Variants in ATP7B observed in about 807,000 individuals in gnomAD.
ATP7B encodes copper-transporting ATPase 2.
A neutral mutation model predicts 118.9 loss-of-function variants in ATP7B; 113 were observed. The ratio of observed to expected loss-of-function variants is 0.95; its 90% CI spans 0.82 to 1.11. The LOEUF (loss-of-function observed/expected upper bound fraction) is 1.11, where lower values mean the gene tolerates loss of function less well. Among genes scored for constraint, ATP7B ranks in the 50% most tolerant of loss-of-function variants. ATP7B has a pLI of 0.00. For synonymous variants in ATP7B, 777 were observed against 727.4 expected (o/e 1.07, Z -1.10); for missense variants, 1,867 against 1,871.4 (o/e 1.00, Z 0.04).
chr13:51,934,320 T>G lies in ATP7B; in HGVS notation c.*436A>C, dbSNP rs1054528327. 1.8e-5 allele frequency: 5 copies of G among 284,226 alleles called. No individual in the cohort carries two copies. The highest frequency in any genetic ancestry group is 1.1e-4 in the African/African-American group (5 of 46,238). 17.6% of individuals were successfully genotyped at this position (284,226 alleles called of 1,614,324 possible). On this transcript the variant is annotated 3_prime_UTR_variant, in exon 21 of 21. Transcript: ENST00000242839. Reference sequence around the variant, plus strand: ...GTAAACTGTGGTCTCAGAAACATGATGCACACAGACAGGCGTCATCAGAAA... The same window carrying G: ...GTAAACTGTGGTCTCAGAAACATGAGGCACACAGACAGGCGTCATCAGAAA...
At chr13:51,957,473 T>C (rs1175547837) in intron 9 of ATP7B, 43 bp downstream of exon 9, 1 of 1,573,356 alleles carries the variant, frequency 6.4e-7, no homozygotes, top group South Asian at 1.1e-5. Context: ...TCACACAGAT[T>C]GATAGATACC....
chr13:51,995,283 G>A, intron 1 of ATP7B: 2 of 985,008 alleles, frequency 2.0e-6, no homozygotes, highest in South Asian at 9.4e-5. Flanking sequence ...GGCCCTTCCA[G>A]GCTTTTTAGC....
At chr13:51,958,246 T>C in intron 8 of ATP7B, 65 bp downstream of exon 8, 1 of 1,527,230 alleles carries the variant, frequency 6.5e-7, no homozygotes, top group Non-Finnish European at 9.1e-7. Context: ...AAACATGGTG[T>C]TCAGAGGAAG....
chr13:51,988,947 C>T (rs995612568), intron 1 of ATP7B, among the ~76,000 whole-genome samples: 1 of 151,902 alleles, frequency 6.6e-6, no homozygotes, highest in Non-Finnish European at 1.5e-5. Flanking sequence ...AGGAGAAATA[C>T]CTAATGTAGA....
In ATP7B at chr13:51,939,159, A is replaced by G. The variant is rs1349863798; in HGVS notation, c.3591T>C (p.Ala1197=). 2.5e-6 allele frequency: 4 copies of G among 1,613,986 alleles called. No homozygotes were observed. In the African/African-American group the frequency reaches 5.3e-5, roughly 22 times the overall value. Residue 1197 remains alanine, a synonymous_variant, in exon 17 of 21, where the codon GCT becomes GCC. Transcript: ENST00000242839. ...VLCGMIAIAD[A]VKQEAALAVH... Reference sequence around the variant, plus strand: ...CAGCCAGGGCAGCCTCCTGCTTGACAGCGTCTGCGATTGCGATCATCCCAC... The same window carrying G: ...CAGCCAGGGCAGCCTCCTGCTTGACGGCGTCTGCGATTGCGATCATCCCAC...
chr13:51,937,720 T>C, intron 17 of ATP7B, 41 bp from the exon 18 acceptor site: 1 of 1,605,552 alleles, frequency 6.2e-7, no homozygotes, highest in South Asian at 1.1e-5. Flanking sequence ...TGGCAAAAGG[T>C]ATCAGATAGC....
In ATP7B at chr13:51,974,716, C is replaced by A; in HGVS notation, c.504G>T (p.Leu168=). ...VSSIEGKVRK[L]QGVVRVKVSL... is the part of the protein sequence containing the mutation. The stretch of plus-strand genomic sequence containing the variant: ...AGACTTTGACTCTCACTACTCCTTG[C>A]AGTTTCCGGACCTTGCCTTCAATGG... The change falls in exon 2 of 21, where the codon CTG becomes CTT. Residue 168 remains leucine (L), a synonymous_variant. Coordinates refer to ENST00000242839, the MANE Select transcript of ATP7B (RefSeq NM_000053.4). 6.2e-7 allele frequency: 1 copy of A among 1,613,838 alleles called. No homozygotes were observed. Among genetic ancestry groups the A allele is most frequent in the Non-Finnish European group, 8.5e-7 (1 of 1,179,748 alleles).
rs1372496976 is a variant in ATP7B, at chr13:51,974,469, G to GC, written c.750dup (p.His251AlafsTer19). 6.2e-7 allele frequency: 1 copy of GC among 1,614,066 alleles called. No individual in the cohort carries two copies. Among genetic ancestry groups the GC allele is most frequent in the South Asian group, 1.1e-5 (1 of 91,076 alleles). On this transcript the variant is annotated frameshift_variant, in exon 2 of 21. Transcript: ENST00000242839. LOFTEE classifies it high-confidence loss of function. ...AGGGTGACCACATGGCTTCCTTGGT[G>GC]CCCCAAGGTCTCAGAATTATTAAAA...
intron 13 of ATP7B, among the ~76,000 whole-genome samples, chr13:51,945,855 C>T (rs1957614385): frequency 1.3e-5 from 2 of 152,110 alleles, no homozygotes; most frequent in Admixed American, 1.3e-4. Flanking sequence ...AACACCGTCA[C>T]TCACTCTTCA....
At chr13:51,984,963 A>T (rs753989438) in intron 1 of ATP7B, among the ~76,000 whole-genome samples, 21 of 152,236 alleles carry the variant, frequency 1.4e-4, no homozygotes, top group Non-Finnish European at 2.6e-4. Context: ...CTGCAAAAAC[A>T]TACCAAATTG....
intron 7 of ATP7B, 188 bp downstream of exon 7, chr13:51,959,960 G>A (rs998782851): frequency 6.6e-6 from 5 of 758,150 alleles, no homozygotes; most frequent in Non-Finnish European, 1.1e-5. Flanking sequence ...ACACTGGGGG[G>A]GCCCCAAGCC....
chr13:51,958,073 G>C, intron 8 of ATP7B: 2 of 570,068 alleles, frequency 3.5e-6, no homozygotes, highest in East Asian at 6.2e-5. Context: ...GGTTTCTTTA[G>C]TTTACACAAT....
rs1012568202 is a variant in ATP7B at position 51,949,779 on chromosome 13, C to T, written c.2748G>A (p.Leu916=). 4 of 1,614,004 alleles carry T rather than the reference C, an allele frequency of 2.5e-6. No homozygotes were observed. Among genetic ancestry groups the T allele is most frequent in the Non-Finnish European group, 3.4e-6 (4 of 1,180,026 alleles). ...AQMSKAPIQQ[L]ADRFSGYFVP... ...CAAAATATCCACTAAACCGGTCAGC[C>T]AGCTGCTGAATGGGTGCCTATGAAA... The change falls in exon 12 of 21, where the codon CTG becomes CTA. Residue 916 remains leucine (L), a synonymous_variant. Coordinates refer to ENST00000242839, the MANE Select transcript of ATP7B (RefSeq NM_000053.4).
At chr13:51,971,598 T>C (rs959974068) in intron 2 of ATP7B, among the ~76,000 whole-genome samples, 1 of 152,246 alleles carries the variant, frequency 6.6e-6, no homozygotes, top group Non-Finnish European at 1.5e-5. Flanking sequence ...GTTTACCTTA[T>C]ACTATATTTC....
rs1956862933 is a variant in ATP7B at position 51,934,857 on chromosome 13, G to A, written c.4297C>T (p.Leu1433=). Residue 1433 remains leucine (L), a synonymous_variant, in exon 21 of 21, where the codon CTG becomes TTG. Coordinates refer to ENST00000242839, the MANE Select transcript of ATP7B (RefSeq NM_000053.4). ...TGCCGAGATGGCTTGTCGGACGTCAGGGAGGACAGCGACACCTGGCTGACA... is the reference window on the plus strand; with the variant it reads ...TGCCGAGATGGCTTGTCGGACGTCAAGGAGGACAGCGACACCTGGCTGACA... The part of the protein sequence containing the change: ...SYVSQVSLSS[L]TSDKPSRHSA... 8.7e-6 allele frequency: 14 copies of A among 1,614,232 alleles called. No homozygotes were observed. Among genetic ancestry groups the A allele is most frequent in the Non-Finnish European group, 1.2e-5 (14 of 1,180,048 alleles).
chr13:51,991,851 A>G (rs1032488956), intron 1 of ATP7B, among the ~76,000 whole-genome samples: 13 of 152,140 alleles, frequency 8.5e-5, no homozygotes, highest in African/African-American at 3.1e-4. Context: ...TTTGCGGGGA[A>G]GGCCCTCCTC....
intron 12 of ATP7B, among the ~76,000 whole-genome samples, chr13:51,948,413 T>C (rs1413954853): frequency 6.6e-6 from 1 of 152,108 alleles, no homozygotes; most frequent in Non-Finnish European, 1.5e-5. Context: ...ACACCCAGTA[T>C]GGTTTCTCAT....
intron 1 of ATP7B, among the ~76,000 whole-genome samples, chr13:51,999,704 T>C (rs1409465815): frequency 1.3e-5 from 2 of 152,196 alleles, no homozygotes; most frequent in African/African-American, 4.8e-5. Context: ...GCCTGTCCTC[T>C]AGCAGCTCAA....
At chr13:52,002,162 A>C (rs1953518411) in intron 1 of ATP7B, among the ~76,000 whole-genome samples, 1 of 152,162 alleles carries the variant, frequency 6.6e-6, no homozygotes, top group Non-Finnish European at 1.5e-5. Context: ...TTGACACTTA[A>C]AGAATTTCTC....
Sources: gnomAD v4.1 joint callset for allele counts (sites outside exome capture counted in the v4.1 genomes callset) on GRCh38, gnomAD v4.1.1 for gene constraint, MANE v1.5 for transcripts, NCBI Gene and HGNC (gene_info 2026-07-23, HGNC 2026-07-21) for gene names.